The following DENND1A variants were observed in gnomAD, a reference collection of about 807,000 sequenced individuals.
The protein encoded by DENND1A is DENN domain containing 1A, also known as DENN domain-containing protein 1A.
Under a neutral mutation model 113.7 loss-of-function variants are expected in DENND1A, and 51 were observed. The ratio of observed to expected loss-of-function variants is 0.45; its 90% CI spans 0.36 to 0.57. The LOEUF (loss-of-function observed/expected upper bound fraction) is 0.57, where lower values mean the gene tolerates loss of function less well. DENND1A is among the 20% of genes least tolerant of loss of function. The pLI is 0.00. For missense variants in DENND1A, 1,258 were observed against 1,395.9 expected (o/e 0.90, Z 1.57); for synonymous variants, 565 against 570.8 (o/e 0.99, Z 0.14).
intron 11 of DENND1A, among the ~76,000 whole-genome samples, chr9:123,593,666 T>C (rs1745165945): frequency 1.3e-5 from 2 of 152,196 alleles, no homozygotes; most frequent in African/African-American, 4.8e-5. Flanking sequence ...TTCTTTTTTT[T>C]AAAGGGAGAG....
At chr9:123,811,196 T>C (rs1368318401) in intron 2 of DENND1A, among the ~76,000 whole-genome samples, 1 of 152,200 alleles carries the variant, frequency 6.6e-6, no homozygotes, top group Non-Finnish European at 1.5e-5. Context: ...TCCACCACTT[T>C]ACCATCTTGA....
At chr9:123,490,663 C>T (rs2051289573) in intron 13 of DENND1A, among the ~76,000 whole-genome samples, 1 of 150,742 alleles carries the variant, frequency 6.6e-6, no homozygotes, top group African/African-American at 2.5e-5. Context: ...TTTCAATTGT[C>T]TAGTAGCACA....
At chr9:123,657,610 T>C (rs1325676256) in intron 8 of DENND1A, among the ~76,000 whole-genome samples, 1 of 152,198 alleles carries the variant, frequency 6.6e-6, no homozygotes, top group Non-Finnish European at 1.5e-5. Flanking sequence ...TTCCACTTCA[T>C]ACATGGTACA....
chr9:123,895,734 AT>A lies in DENND1A; in HGVS notation c.18-16714del, dbSNP rs1588128926. On this transcript the variant is annotated intron_variant, in intron 1 of 23. Transcript: ENST00000394215. ...AAAAACTCACTTTCTCCTTGAAGATATTTATGTAGTCCAATGCATGCTCCAT... is the reference window on the plus strand; with the variant it reads ...AAAAACTCACTTTCTCCTTGAAGATATTATGTAGTCCAATGCATGCTCCAT... Among the ~76,000 whole-genome samples the A allele has an allele frequency of 3.9e-5, 6 of 152,318 alleles. No individual in the cohort carries two copies. In the East Asian group the frequency reaches 1.2e-3, roughly 29 times the overall value.
At chr9:123,535,236 C>A (rs2055653399) in intron 13 of DENND1A, among the ~76,000 whole-genome samples, 1 of 152,208 alleles carries the variant, frequency 6.6e-6, no homozygotes, top group East Asian at 1.9e-4. Context: ...GATCATTCTA[C>A]CCTTCTGCTT....
intron 2 of DENND1A, among the ~76,000 whole-genome samples, chr9:123,807,752 T>G (rs1009124158): frequency 9.2e-5 from 14 of 152,238 alleles, no homozygotes; most frequent in Admixed American, 5.2e-4. Context: ...GAATGCCTAT[T>G]CTGTGTCACA....
rs1290448078 is a variant in DENND1A, at chr9:123,588,633, AG to A, written c.766-5364del. Among the ~76,000 whole-genome samples, 282 of 86,442 alleles carry A rather than the reference AG, an allele frequency of 3.3e-3. 1 individual carries two copies. Among genetic ancestry groups the A allele is most frequent in the East Asian group, 0.017 (44 of 2,532 alleles). 56.7% of individuals were successfully genotyped at this position (86,442 alleles called of 152,430 possible). ...GAAACTCCATCTCAAAAAAAAAAAA[AG>A]GGGGGGGGGGAAGAGAAAAGTTTAA... On this transcript the variant is annotated intron_variant, in intron 11 of 23. Coordinates refer to ENST00000394215, the MANE Select transcript of DENND1A (RefSeq NM_001352964.2).
intron 1 of DENND1A, among the ~76,000 whole-genome samples, chr9:123,887,101 C>T (rs1054885195): frequency 1.3e-5 from 2 of 152,174 alleles, no homozygotes; most frequent in African/African-American, 4.8e-5. Context: ...ATATGCTGAG[C>T]TGCAGTGTAA....
Position 123,381,553 on chromosome 9 carries a change from G to T in DENND1A, c.3092C>A (p.Ala1031Asp). The T allele has an allele frequency of 1.2e-6, 2 of 1,613,758 alleles. No individual in the cohort carries two copies. Among genetic ancestry groups the T allele is most frequent in the Non-Finnish European group, 1.7e-6 (2 of 1,179,984 alleles). ...PTLQPSAPQQARDPFEDLLQK... is the reference protein window; with the variant it reads ...PTLQPSAPQQDRDPFEDLLQK... ...TAACAAATCCTCAAAGGGGTCTCTG[G>T]CCTGTTGAGGAGCAGAGGGCTGCAG... Residue 1031 changes from alanine (A) to aspartate (D), a missense_variant, in exon 24 of 24, where the codon GCC becomes GAC. Physicochemically the swap from Ala to Asp is moderately radical, Grantham distance 126. Transcript: ENST00000394215. This position sits in a 1 kb window ranked among gnomAD's most constrained non-coding sequence, Gnocchi z 4.7.
chr9:123,602,395 G>A (rs1407283046), intron 11 of DENND1A, among the ~76,000 whole-genome samples: 1 of 151,898 alleles, frequency 6.6e-6, no homozygotes, highest in Non-Finnish European at 1.5e-5. Flanking sequence ...TTTGATCTGT[G>A]GTTGGATGAA....
chr9:123,564,383 G>A lies in DENND1A; in HGVS notation c.868-6688C>T, dbSNP rs117585401. Among the ~76,000 whole-genome samples, 630 of 152,300 alleles carry A rather than the reference G, an allele frequency of 4.1e-3. 7 individuals carry two copies. Among genetic ancestry groups the A allele is most frequent in the Non-Finnish European group, 8.2e-3 (555 of 68,022 alleles). ...TAAGATTTCTCAGCTCTTCTCCACT[G>A]CTCTGGAGAAAAAGACTAAAGCCCT... On this transcript the variant is annotated intron_variant, in intron 12 of 23. Transcript: ENST00000394215.
chr9:123,630,585 C>A, intron 9 of DENND1A, 109 bp from the exon 10 acceptor site: 1 of 643,418 alleles, frequency 1.6e-6, no homozygotes. Flanking sequence ...ACATGATAAG[C>A]TGAAAAACCT....
chr9:123,387,851 T>C lies in DENND1A; in HGVS notation c.1639A>G (p.Lys547Glu). 1 of 1,289,846 alleles carries C rather than the reference T, an allele frequency of 7.8e-7. No homozygotes were observed. The highest frequency in any genetic ancestry group is 1.0e-6 in the Non-Finnish European group (1 of 988,862). 79.9% of individuals were successfully genotyped at this position (1,289,846 alleles called of 1,614,324 possible). ...AAGACCGCATAGTGTCGCAAGGGCT[T>C]TACCAGGCTGGGGCAGAGGAAGACA... ...TSVPSPEHLV[K>E]PLRHYAVFLS... Residue 547 changes from lysine to glutamate, a missense_variant, in exon 22 of 24, where the codon AAG becomes GAG. Lys to Glu is a moderately conservative substitution (Grantham distance 56). Coordinates refer to ENST00000394215, the MANE Select transcript of DENND1A (RefSeq NM_001352964.2).
At chr9:123,706,879 TG>T (rs942706856) in intron 5 of DENND1A, among the ~76,000 whole-genome samples, 17 of 150,816 alleles carry the variant, frequency 1.1e-4, no homozygotes, top group Admixed American at 7.9e-4. Context: ...TTAACTGAGA[TG>T]GGGAAGACTA....
intron 2 of DENND1A, among the ~76,000 whole-genome samples, chr9:123,873,361 T>C (rs1846947576): frequency 6.6e-6 from 1 of 152,202 alleles, no homozygotes; most frequent in African/African-American, 2.4e-5. Context: ...ACAGATCACA[T>C]GCCCTTCCAC....
intron 2 of DENND1A, among the ~76,000 whole-genome samples, chr9:123,876,003 T>C (rs535444831): frequency 1.3e-5 from 2 of 152,382 alleles, no homozygotes; most frequent in Admixed American, 1.3e-4. Context: ...TTATACTTAT[T>C]TGTTAAACTA....
rs1373795615 is a variant in DENND1A at position 123,676,774 on chromosome 9, G to A, written c.318C>T (p.Phe106=). ...CFCILSYLPW[F]EVFYKLLNIL... ...TGTTAAGCAGCTTATAAAATACCTC[G>A]AACCAGGGGAGATAGCTGGAGGAAG... is the stretch of plus-strand genomic sequence containing the variant. Residue 106 remains phenylalanine (F), a synonymous_variant, in exon 6 of 24, where the codon TTC becomes TTT. Coordinates refer to ENST00000394215, the MANE Select transcript of DENND1A (RefSeq NM_001352964.2). 6.2e-6 allele frequency: 10 copies of A among 1,613,762 alleles called. No homozygotes were observed. The highest frequency in any genetic ancestry group is 4.0e-5 in the African/African-American group (3 of 74,862).
chr9:123,741,896 A>C (rs1411619929), intron 5 of DENND1A, among the ~76,000 whole-genome samples: 1 of 152,256 alleles, frequency 6.6e-6, no homozygotes, highest in Non-Finnish European at 1.5e-5. Flanking sequence ...TCAAAAAAGA[A>C]AGGGCAGTTA....
At chr9:123,499,138 A>G (rs1199151011) in intron 13 of DENND1A, among the ~76,000 whole-genome samples, 1 of 151,590 alleles carries the variant, frequency 6.6e-6, no homozygotes, top group African/African-American at 2.4e-5. Context: ...GGTTCAAGCT[A>G]TTCTCCCGCC....
Sources: allele counts gnomAD v4.1 joint callset (sites outside exome capture counted in the v4.1 genomes callset), GRCh38; gene constraint gnomAD v4.1.1; non-coding constraint Gnocchi (gnomAD v3.1); transcripts MANE v1.5; gene names NCBI Gene and HGNC (gene_info 2026-07-23, HGNC 2026-07-21).